Variants in RCOR1 observed in about 807,000 individuals in gnomAD.
The protein encoded by RCOR1 is REST corepressor 1.
In RCOR1, 12 loss-of-function variants were observed where a neutral mutation model predicts 64.0. That is an observed-to-expected ratio of 0.19 (90% CI 0.12 to 0.30). RCOR1 has a LOEUF of 0.30. Among genes scored for constraint, RCOR1 ranks in the 10% least tolerant of loss-of-function variants. The pLI is 1.00. For missense variants in RCOR1, 502 were observed against 621.2 expected (o/e 0.81, Z 2.04); for synonymous variants, 279 against 227.2 (o/e 1.23, Z -2.05).
intron 2 of RCOR1, among the ~76,000 whole-genome samples, chr14:102,622,508 T>C (rs920620912): frequency 6.6e-6 from 1 of 152,196 alleles, no homozygotes; most frequent in Admixed American, 6.5e-5. Context: ...CCTCTTTTCA[T>C]GGACTCTGCA....
Position 102,679,639 on chromosome 14 carries a change from C to G in RCOR1, c.362-2256C>G, listed in dbSNP as rs189355908. Among the ~76,000 whole-genome samples, 3 of 152,184 alleles carry G rather than the reference C, an allele frequency of 2.0e-5. No homozygotes were observed. In the East Asian group the frequency reaches 5.8e-4, roughly 29 times the overall value. On this transcript the variant is annotated intron_variant, in intron 2 of 11. Coordinates refer to ENST00000262241, the MANE Select transcript of RCOR1 (RefSeq NM_015156.4). ...GACTACAGGCGCCCGCCACCACGCC[C>G]GGCTAATTTTTTGTATTTTTAGTAT...
chr14:102,634,377 AAACC>A (rs574088939), intron 2 of RCOR1, among the ~76,000 whole-genome samples: 2 of 151,778 alleles, frequency 1.3e-5, no homozygotes, highest in South Asian at 2.1e-4. Context: ...CCTGTCTCAA[AAACC>A]AACCAACCAA....
At chr14:102,693,454 A>G (rs1895579271) in intron 3 of RCOR1, among the ~76,000 whole-genome samples, 1 of 152,184 alleles carries the variant, frequency 6.6e-6, no homozygotes, top group Non-Finnish European at 1.5e-5. Context: ...AAAGCTCTTA[A>G]ATAACTTGTT....
intron 2 of RCOR1, among the ~76,000 whole-genome samples, chr14:102,632,961 C>G (rs1340871369): frequency 6.6e-6 from 1 of 151,406 alleles, no homozygotes; most frequent in South Asian, 2.1e-4. Flanking sequence ...ATTTGTGCCA[C>G]TACATCTGGC....
At chr14:102,648,943 A>G (rs1894527983) in intron 2 of RCOR1, among the ~76,000 whole-genome samples, 1 of 152,184 alleles carries the variant, frequency 6.6e-6, no homozygotes, top group Non-Finnish European at 1.5e-5. Context: ...CAGGGCTCCA[A>G]AGGGGTGTTG....
chr14:102,662,277 T>C, intron 2 of RCOR1: 1 of 537,458 alleles, frequency 1.9e-6, no homozygotes, highest in East Asian at 5.0e-5. Flanking sequence ...ATCCAAAGCA[T>C]CATAATCAGG....
chr14:102,648,128 G>A (rs2139926855), intron 2 of RCOR1, among the ~76,000 whole-genome samples: 2 of 152,078 alleles, frequency 1.3e-5, no homozygotes, highest in Middle Eastern at 6.8e-3. Flanking sequence ...ACCCAAGCTG[G>A]AATGTAGTGG....
chr14:102,598,171 G>A (rs937171265), intron 2 of RCOR1, among the ~76,000 whole-genome samples: 43 of 152,132 alleles, frequency 2.8e-4, no homozygotes, highest in African/African-American at 9.9e-4. Context: ...GGCCAGGCTG[G>A]TCTCGAACTC....
chr14:102,665,329 T>A (rs896449466), intron 2 of RCOR1, among the ~76,000 whole-genome samples: 28 of 150,834 alleles, frequency 1.9e-4, no homozygotes, highest in African/African-American at 6.7e-4. Flanking sequence ...TTTTTTTTTT[T>A]TAAATAAAAT....
chr14:102,657,082 T>G, intron 2 of RCOR1: 1 of 984,386 alleles, frequency 1.0e-6, no homozygotes, highest in Non-Finnish European at 1.2e-6. Flanking sequence ...GCTAGAAACA[T>G]CTTCTAAAGC....
intron 2 of RCOR1, among the ~76,000 whole-genome samples, chr14:102,647,443 A>C (rs933396360): frequency 6.6e-6 from 1 of 151,996 alleles, no homozygotes; most frequent in Admixed American, 6.6e-5. Context: ...CAGCCTCCCA[A>C]GTAGCTGGGG....
At chr14:102,689,330 A>C (rs967621398) in intron 3 of RCOR1, among the ~76,000 whole-genome samples, 4 of 152,024 alleles carry the variant, frequency 2.6e-5, no homozygotes, top group Non-Finnish European at 4.4e-5. Flanking sequence ...ATTTTTTTTA[A>C]GGTAGGGCTT....
At chr14:102,609,526 G>A (rs1486118412) in intron 2 of RCOR1, among the ~76,000 whole-genome samples, 7 of 151,928 alleles carry the variant, frequency 4.6e-5, no homozygotes, top group African/African-American at 1.7e-4. Context: ...TGCAGTTTCC[G>A]CCTTCCAGGT....
chr14:102,635,171 T>A (rs577880029), intron 2 of RCOR1, among the ~76,000 whole-genome samples: 1 of 152,250 alleles, frequency 6.6e-6, no homozygotes, highest in East Asian at 1.9e-4. Context: ...ACTTTTAAAT[T>A]CTTCTCAGTA....
intron 2 of RCOR1, among the ~76,000 whole-genome samples, chr14:102,656,851 C>G (rs563043312): frequency 2.6e-5 from 4 of 151,924 alleles, no homozygotes; most frequent in African/African-American, 9.7e-5. Flanking sequence ...TCTCAGCTCA[C>G]TGCAACCTCC....
intron 7 of RCOR1, among the ~76,000 whole-genome samples, chr14:102,712,113 G>T (rs931482710): frequency 1.3e-5 from 2 of 151,980 alleles, no homozygotes; most frequent in Admixed American, 6.6e-5. Context: ...GGCTCAAGCA[G>T]TCCTTCCACT....
At chr14:102,625,042 G>A (rs10131333) in intron 2 of RCOR1, among the ~76,000 whole-genome samples, 150,262 of 150,484 alleles carry the variant, frequency 1, 75,021 homozygotes, top group African/African-American at 1. Flanking sequence ...AATTAAAAAA[G>A]AAAAATTATT....
At chr14:102,693,571 C>G (rs1158785610) in intron 3 of RCOR1, among the ~76,000 whole-genome samples, 1 of 151,404 alleles carries the variant, frequency 6.6e-6, no homozygotes, top group African/African-American at 2.4e-5. Flanking sequence ...CCTCCCAACT[C>G]CCTCTCACAG....
intron 2 of RCOR1, among the ~76,000 whole-genome samples, chr14:102,668,150 CT>C (rs1450462289): frequency 1.3e-5 from 2 of 152,278 alleles, no homozygotes; most frequent in African/African-American, 2.4e-5. Flanking sequence ...ATTCATGTGG[CT>C]GTTTAATTCC....
Sources: allele counts gnomAD v4.1 joint callset (sites outside exome capture counted in the v4.1 genomes callset), GRCh38; gene constraint gnomAD v4.1.1; transcripts MANE v1.5; gene names NCBI Gene and HGNC (gene_info 2026-07-23, HGNC 2026-07-21).